FSTL5: variants seen among roughly 807,000 people sequenced by gnomAD.
FSTL5 encodes follistatin-related protein 5.
In FSTL5, 62 loss-of-function variants were observed where a neutral mutation model predicts 89.1. That is an observed-to-expected ratio of 0.70 (90% CI 0.57 to 0.86). The LOEUF (loss-of-function observed/expected upper bound fraction) is 0.86, where lower values mean the gene tolerates loss of function less well. FSTL5 is among the 40% of genes least tolerant of loss of function. The probability of loss-of-function intolerance (pLI) is 0.00; values close to 1 mark genes in which losing one functional copy is unlikely to be tolerated. For synonymous variants in FSTL5, 383 were observed against 346.2 expected (o/e 1.11, Z -1.18); for missense variants, 1,057 against 1,001.6 (o/e 1.06, Z -0.75).
At chr4:161,816,432 T>C (rs1012694932) in intron 4 of FSTL5, among the ~76,000 whole-genome samples, 1 of 152,208 alleles carries the variant, frequency 6.6e-6, no homozygotes, top group African/African-American at 2.4e-5. Context: ...CATGTGGCTG[T>C]TGAAGTAGTC....
At chr4:161,684,523 T>A (rs1283783238) in intron 6 of FSTL5, among the ~76,000 whole-genome samples, 1 of 152,226 alleles carries the variant, frequency 6.6e-6, no homozygotes, top group African/African-American at 2.4e-5. Flanking sequence ...TCATTAGTGA[T>A]GTTGAGCATT....
intron 3 of FSTL5, among the ~76,000 whole-genome samples, chr4:162,005,598 G>A (rs905202777): frequency 1.3e-5 from 2 of 152,062 alleles, no homozygotes; most frequent in Non-Finnish European, 2.9e-5. Flanking sequence ...TCAAGGGGAA[G>A]GGGAGAAAAC....
intron 10 of FSTL5, among the ~76,000 whole-genome samples, chr4:161,531,073 T>C (rs1214936006): frequency 6.6e-6 from 1 of 152,184 alleles, no homozygotes. Flanking sequence ...TGTATGTCAC[T>C]CTATTAAATC....
chr4:161,958,268 C>A (rs1349364868), intron 3 of FSTL5, among the ~76,000 whole-genome samples: 1 of 152,086 alleles, frequency 6.6e-6, no homozygotes, highest in East Asian at 1.9e-4. Flanking sequence ...TATAATATTT[C>A]TTTAATGTCC....
chr4:161,707,919 A>T (rs1738637297), intron 6 of FSTL5, among the ~76,000 whole-genome samples: 1 of 151,690 alleles, frequency 6.6e-6, no homozygotes. Context: ...TTAGAAATTA[A>T]GAGATACTCA....
chr4:161,603,716 T>G (rs920792339), intron 7 of FSTL5, among the ~76,000 whole-genome samples: 1 of 151,604 alleles, frequency 6.6e-6, no homozygotes, highest in Admixed American at 6.6e-5. Context: ...ATGACATGGA[T>G]GAGAGCAGAG....
intron 6 of FSTL5, among the ~76,000 whole-genome samples, chr4:161,709,096 A>G (rs767810542): frequency 3.3e-5 from 5 of 152,176 alleles, no homozygotes; most frequent in Non-Finnish European, 7.4e-5. Flanking sequence ...GTGGTCCTAA[A>G]TGGACCTAAT....
rs553022208 is a variant in FSTL5 at position 161,776,477 on chromosome 4, T to TGAAGGC, written c.410-409_410-404dup. On this transcript the variant is annotated intron_variant, in intron 4 of 15. Coordinates refer to ENST00000306100, the MANE Select transcript of FSTL5 (RefSeq NM_020116.5). Reference sequence around the variant, plus strand: ...AGTACAAGAAGGTGAAATCAATTGCTGAAGGCAAAGGATTAGATTGTGCTG... The same window carrying TGAAGGC: ...AGTACAAGAAGGTGAAATCAATTGCTGAAGGCGAAGGCAAAGGATTAGATTGTGCTG... Among the ~76,000 whole-genome samples the TGAAGGC allele has an allele frequency of 4.5e-3, 646 of 144,646 alleles. 3 individuals are homozygous for TGAAGGC. Among genetic ancestry groups the TGAAGGC allele is most frequent in the African/African-American group, 0.017 (617 of 36,154 alleles). 94.9% of individuals were successfully genotyped at this position (144,646 alleles called of 152,430 possible). A position where few individuals can be genotyped will look rare whatever the true frequency, so the allele number is the denominator to read the frequency against.
At chr4:161,394,498 A>T (rs62325015) in intron 15 of FSTL5, among the ~76,000 whole-genome samples, 12,305 of 152,190 alleles carry the variant, frequency 0.081, 629 homozygotes, top group Non-Finnish European at 0.12. Context: ...GATGGTCTAG[A>T]TCCCCTGACC....
At chr4:161,420,313 T>A (rs1424819408) in intron 15 of FSTL5, among the ~76,000 whole-genome samples, 3 of 152,230 alleles carry the variant, frequency 2.0e-5, no homozygotes, top group Non-Finnish European at 4.4e-5. Flanking sequence ...TGTGACCAGT[T>A]ACAAAAACAA....
intron 7 of FSTL5, among the ~76,000 whole-genome samples, chr4:161,613,393 G>A (rs1012688159): frequency 5.9e-5 from 9 of 151,732 alleles, no homozygotes; most frequent in African/African-American, 2.2e-4. Flanking sequence ...GAGGTTGCAG[G>A]GAGCCGAGAT....
chr4:161,643,177 T>A (rs1736027571), intron 7 of FSTL5, among the ~76,000 whole-genome samples: 1 of 152,190 alleles, frequency 6.6e-6, no homozygotes, highest in Non-Finnish European at 1.5e-5. Flanking sequence ...AATACTCAGA[T>A]GCAAAAATGA....
At chr4:162,021,562 A>G (rs1737086236) in intron 3 of FSTL5, among the ~76,000 whole-genome samples, 2 of 152,162 alleles carry the variant, frequency 1.3e-5, no homozygotes, top group South Asian at 2.1e-4. Flanking sequence ...ACACAAATAC[A>G]CACACAAATA....
chr4:161,400,139 A>G (rs1731136211), intron 15 of FSTL5, among the ~76,000 whole-genome samples: 1 of 152,076 alleles, frequency 6.6e-6, no homozygotes, highest in African/African-American at 2.4e-5. Context: ...CAAATCTCCA[A>G]AATAAACTTC....
chr4:162,004,779 C>A (rs542467747), intron 3 of FSTL5, among the ~76,000 whole-genome samples: 1 of 152,168 alleles, frequency 6.6e-6, no homozygotes, highest in East Asian at 1.9e-4. Flanking sequence ...TATAAAATAA[C>A]CTCTATAAAA....
intron 12 of FSTL5, among the ~76,000 whole-genome samples, chr4:161,498,606 G>A (rs1026446952): frequency 6.6e-6 from 1 of 152,244 alleles, no homozygotes; most frequent in Admixed American, 6.5e-5. Context: ...GCCAAGACAT[G>A]TGTGTCGTTA....
At chr4:162,059,626 C>T (rs774337752) in intron 2 of FSTL5, among the ~76,000 whole-genome samples, 1 of 152,086 alleles carries the variant, frequency 6.6e-6, no homozygotes, top group African/African-American at 2.4e-5. Context: ...GTCTGCTAAG[C>T]CAATGCACAA....
At chr4:162,013,818 T>G (rs1736838978) in intron 3 of FSTL5, among the ~76,000 whole-genome samples, 1 of 152,090 alleles carries the variant, frequency 6.6e-6, no homozygotes. Flanking sequence ...TTACTTCTGT[T>G]GGTAATGGTG....
chr4:161,698,186 T>G (rs776998754), intron 6 of FSTL5, among the ~76,000 whole-genome samples: 1 of 152,136 alleles, frequency 6.6e-6, no homozygotes, highest in Non-Finnish European at 1.5e-5. Context: ...GATGGCCATT[T>G]GTGAAACAAG....
Sources: allele counts gnomAD v4.1 joint callset (sites outside exome capture counted in the v4.1 genomes callset), GRCh38; gene constraint gnomAD v4.1.1; transcripts MANE v1.5; gene names NCBI Gene and HGNC (gene_info 2026-07-23, HGNC 2026-07-21).